The following HSDL1 variants were observed in gnomAD, a reference collection of about 807,000 sequenced individuals.
The protein encoded by HSDL1 is hydroxysteroid dehydrogenase like 1.
A neutral mutation model predicts 31.5 loss-of-function variants in HSDL1; 29 were observed. The observed-to-expected ratio is 0.92, with a 90% confidence interval of 0.69 to 1.26. The LOEUF (loss-of-function observed/expected upper bound fraction) is 1.26, where lower values mean the gene tolerates loss of function less well. Ranked by LOEUF, HSDL1 falls within the 50% of genes most tolerant of loss-of-function variation. The pLI, the probability that HSDL1 is intolerant of heterozygous loss-of-function variation, is 0.00. For missense variants in HSDL1, 503 were observed against 416.6 expected (o/e 1.21, Z -1.81); for synonymous variants, 222 against 155.2 (o/e 1.43, Z -3.20).
intron 1 of HSDL1, among the ~76,000 whole-genome samples, chr16:84,136,523 G>A (rs748997749): frequency 3.9e-5 from 6 of 152,244 alleles, no homozygotes. Context: ...CCTCAGCTCA[G>A]GAGCGGACCA....
rs191570739 is a variant in HSDL1 at position 84,123,620 on chromosome 16, A to G, written c.*1010T>C. 6.6e-6 allele frequency: 1 copy of G among 152,656 alleles called. No individual in the cohort carries two copies. 9.5% of individuals were successfully genotyped at this position (152,656 alleles called of 1,614,324 possible). ...GATATGTCACACACGTAATTTGTCCATATTTTACTATTCCATAAATACTTA... is the reference window on the plus strand; with the variant it reads ...GATATGTCACACACGTAATTTGTCCGTATTTTACTATTCCATAAATACTTA... On this transcript the variant is annotated 3_prime_UTR_variant, in exon 6 of 6. Coordinates refer to ENST00000219439, the MANE Select transcript of HSDL1 (RefSeq NM_031463.5).
At position 84,131,176 on chromosome 16, in the gene HSDL1, C is replaced by G; in HGVS notation, c.146G>C (p.Arg49Thr). The stretch of plus-strand genomic sequence containing the variant: ...CCCCAGGCGGGGGATAAAATGCAGC[C>G]TGATCAGGCTGTAAAAGTCACAGAT... ...TVICDFYSLI[R>T]LHFIPRLGSR... Residue 49 changes from arginine to threonine, a missense_variant, in exon 3 of 6, where the codon AGG (arginine) becomes ACG (threonine). Physicochemically the swap from Arg to Thr is moderately conservative, Grantham distance 71 (BLOSUM62 -1). Transcript: ENST00000219439. The G allele has an allele frequency of 1.9e-6, 3 of 1,614,194 alleles. No homozygotes were observed. The East Asian group carries it at 6.7e-5, about 36-fold the overall frequency.
At chr16:84,126,797 A>T (rs2086611517) in intron 5 of HSDL1, among the ~76,000 whole-genome samples, 2 of 152,242 alleles carry the variant, frequency 1.3e-5, no homozygotes, top group South Asian at 4.1e-4. Flanking sequence ...GCTATCAGAG[A>T]AATATGCCAT....
intron 1 of HSDL1, chr16:84,139,089 G>A (rs1048414058): frequency 6.6e-6 from 1 of 152,274 alleles, no homozygotes; most frequent in African/African-American, 2.4e-5. Flanking sequence ...GACTGGCCAG[G>A]GTTTTAAAGA....
At chr16:84,131,440 C>T (rs2086664939) in intron 2 of HSDL1, 113 bp from the exon 3 acceptor site, 2 of 711,488 alleles carry the variant, frequency 2.8e-6, no homozygotes, top group East Asian at 5.0e-5. Flanking sequence ...ATTGTACGTT[C>T]AAATAACACT....
chr16:84,137,606 C>T (rs573359671), intron 1 of HSDL1, among the ~76,000 whole-genome samples: 5 of 152,214 alleles, frequency 3.3e-5, no homozygotes, highest in Non-Finnish European at 5.9e-5. Context: ...TGCTCCTCAG[C>T]CTTGCCAGAC....
intron 5 of HSDL1, chr16:84,125,288 CAAAT>C (rs1306676177): frequency 5.2e-5 from 8 of 152,440 alleles, no homozygotes; most frequent in African/African-American, 2.0e-4. Context: ...CCAGTCACAA[CAAAT>C]ACCCACCAAT....
intron 1 of HSDL1, among the ~76,000 whole-genome samples, chr16:84,143,342 C>T (rs1597382422): frequency 6.6e-6 from 1 of 152,076 alleles, no homozygotes; most frequent in African/African-American, 2.4e-5. Context: ...AGGACAGAAA[C>T]CAAATACAAA....
intron 2 of HSDL1, among the ~76,000 whole-genome samples, 156 bp from the exon 3 acceptor site, chr16:84,131,483 G>GTCTGTCTGTCTGTCTGTCTATCTATCTA (rs1232519658): frequency 2.4e-4 from 35 of 144,240 alleles, no homozygotes; most frequent in African/African-American, 8.9e-4. Flanking sequence ...CACAGTTTCA[G>GTCTGTCTGTCTGTCTGTCTATCTATCTA]TCTATCTATC....
Position 84,130,029 on chromosome 16 carries a change from C to G in HSDL1, c.623G>C (p.Cys208Ser). Residue 208 changes from cysteine to serine, a missense_variant, in exon 4 of 6, where the codon TGC becomes TCC. Physicochemically the swap from Cys to Ser is moderately radical, Grantham distance 112. Coordinates refer to ENST00000219439, the MANE Select transcript of HSDL1 (RefSeq NM_031463.5). ...AGCCAGCTGAGGAGTGGGTTTGCAGCAGGAGCCAGAAGAGATCGTGACGAT... is the reference window on the plus strand; with the variant it reads ...AGCCAGCTGAGGAGTGGGTTTGCAGGAGGAGCCAGAAGAGATCGTGACGAT... ...GAIVTISSGS[C>S]CKPTPQLAAF... 6.2e-7 allele frequency: 1 copy of G among 1,614,124 alleles called. No individual in the cohort carries two copies. The highest frequency in any genetic ancestry group is 8.5e-7 in the Non-Finnish European group (1 of 1,180,010).
chr16:84,139,141 T>C (rs1002728389), intron 1 of HSDL1: 1 of 152,182 alleles, frequency 6.6e-6, no homozygotes, highest in African/African-American at 2.4e-5. Context: ...ATCAAAGCAT[T>C]AGCGAACGAC....
rs2086643528 is a variant in HSDL1, at chr16:84,129,722, T to C, written c.720A>G (p.Gly240=). ...RALQYEYASK[G]IFVQSLIPFY... Reference sequence around the variant, plus strand: ...AAGGGATTAGACTCTGTACAAAGATTCCTTTAGAGGCATATTCATATTGCA... The same window carrying C: ...AAGGGATTAGACTCTGTACAAAGATCCCTTTAGAGGCATATTCATATTGCA... The change falls in exon 5 of 6, where the codon GGA becomes GGG. Residue 240 remains glycine, a synonymous_variant. Transcript: ENST00000219439. The C allele has an allele frequency of 1.2e-6, 2 of 1,614,072 alleles. No homozygotes were observed. The highest frequency in any genetic ancestry group is 1.3e-5 in the African/African-American group (1 of 74,922).
intron 1 of HSDL1, among the ~76,000 whole-genome samples, chr16:84,137,986 T>C (rs2086728369): frequency 6.6e-6 from 1 of 152,234 alleles, no homozygotes; most frequent in Non-Finnish European, 1.5e-5. Context: ...CTGATTCTTG[T>C]CTTGAATCTT....
chr16:84,122,719 G>C lies in HSDL1; in HGVS notation c.*1911C>G, dbSNP rs1450036429. 6.6e-6 allele frequency: 1 copy of C among 152,014 alleles called. No homozygotes were observed. The highest frequency in any genetic ancestry group is 1.5e-5 in the Non-Finnish European group (1 of 68,016). The allele number at this position is 152,014 out of a possible 1,614,324, so 9.4% of individuals were successfully genotyped here. On this transcript the variant is annotated 3_prime_UTR_variant, in exon 6 of 6. Transcript: ENST00000219439. ...CAATCAACTTTCAAATTAGCTCTGG[G>C]GAAAAAAATACATTTAATGAAAGCT...
At chr16:84,132,295 C>T (rs1334803006) in intron 2 of HSDL1, among the ~76,000 whole-genome samples, 2 of 152,082 alleles carry the variant, frequency 1.3e-5, no homozygotes, top group African/African-American at 4.8e-5. Flanking sequence ...ACAGAGGTGG[C>T]ACTAAGACAT....
intron 2 of HSDL1, among the ~76,000 whole-genome samples, chr16:84,132,977 T>C (rs1403724254): frequency 1.1e-5 from 1 of 94,484 alleles, no homozygotes. Context: ...CCCTTTAAAA[T>C]AGAAAAAAAA....
At position 84,142,417 on chromosome 16, in the gene HSDL1, G is replaced by A. The variant is rs950172287; in HGVS notation, c.-69+2663C>T. Among the ~76,000 whole-genome samples, 16 of 149,544 alleles carry A rather than the reference G, an allele frequency of 1.1e-4. 1 individual carries two copies. The highest frequency in any genetic ancestry group is 6.1e-4 in the Admixed American group (9 of 14,768). ...GGCGTTTTGTGATGGTGTGAGGCTG[G>A]GATCTCACACATCTTTTTTTTTTTT... is the stretch of plus-strand genomic sequence containing the variant. On this transcript the variant is annotated intron_variant, in intron 1 of 5. Coordinates refer to ENST00000219439, the MANE Select transcript of HSDL1 (RefSeq NM_031463.5).
chr16:84,128,379 T>A (rs1397944773), intron 5 of HSDL1, among the ~76,000 whole-genome samples: 1 of 152,098 alleles, frequency 6.6e-6, no homozygotes, highest in Admixed American at 6.6e-5. Flanking sequence ...TTATGCATTC[T>A]CAAATTAATA....
intron 3 of HSDL1, 47 bp from the exon 4 acceptor site, chr16:84,130,478 A>T (rs1471104211): frequency 6.0e-6 from 9 of 1,512,372 alleles, no homozygotes; most frequent in Non-Finnish European, 8.1e-6. Flanking sequence ...TCACGGTGTG[A>T]CCCTTAAAAT....
Sources: allele counts gnomAD v4.1 joint callset (sites outside exome capture counted in the v4.1 genomes callset), GRCh38; gene constraint gnomAD v4.1.1; transcripts MANE v1.5; gene names NCBI Gene and HGNC (gene_info 2026-07-23, HGNC 2026-07-21).